MIOS: variants seen among roughly 807,000 people sequenced by gnomAD.
MIOS encodes the protein GATOR2 complex protein MIOS.
MIOS carries 52 observed loss-of-function variants against 96.9 expected under a neutral mutation model. The observed-to-expected ratio is 0.54, with a 90% CI of 0.43 to 0.68. The LOEUF is 0.68. Ranked by LOEUF, MIOS falls within the 30% of genes least tolerant of loss-of-function variation. MIOS has a pLI of 0.00. For missense variants in MIOS, 1,005 were observed against 1,052.8 expected (o/e 0.95, Z 0.63); for synonymous variants, 397 against 359.5 (o/e 1.10, Z -1.18).
intron 6 of MIOS, 70 bp downstream of exon 6, chr7:7,583,442 AAAG>A (rs1783793764): frequency 7.1e-7 from 1 of 1,416,226 alleles, no homozygotes; most frequent in Non-Finnish European, 9.4e-7. Context: ...CTTTTAAAGA[AAAG>A]AGGCTAATAA....
At chr7:7,604,823 T>C (rs888808106) in intron 11 of MIOS, among the ~76,000 whole-genome samples, 1 of 152,284 alleles carries the variant, frequency 6.6e-6, no homozygotes, top group East Asian at 1.9e-4. Flanking sequence ...TGTTAGAAGT[T>C]ACAAAAACAA....
At chr7:7,598,022 A>T (rs539947312) in intron 11 of MIOS, among the ~76,000 whole-genome samples, 12 of 152,214 alleles carry the variant, frequency 7.9e-5, no homozygotes, top group Admixed American at 5.2e-4. Flanking sequence ...TAGTAAACAT[A>T]TGGGAAAAAA....
chr7:7,588,160 A>G (rs115296633), intron 7 of MIOS, among the ~76,000 whole-genome samples: 3,252 of 152,268 alleles, frequency 0.021, 46 homozygotes, highest in African/African-American at 0.04. Flanking sequence ...AATTTCTATG[A>G]TGGAAAGATT....
At position 7,589,477 on chromosome 7, in the gene MIOS, G is replaced by C; in HGVS notation, c.1957G>C (p.Gly653Arg). ...AAATTTGGAAGGAATTTTGCTTACA[G>C]GCCTTACTAAAGATGGAGTGGACTT... The part of the protein sequence containing the change: ...AGNLEGILLT[G>R]LTKDGVDLME... The change falls in exon 9 of 13, where the codon GGC becomes CGC. Residue 653 changes from glycine (G) to arginine (R), a missense_variant. Around this residue, in one of 3 missense-constraint regions of MIOS, gnomAD observed 865 missense variants for 887.9 expected, o/e 0.97. Transcript: ENST00000340080. 6.2e-7 allele frequency: 1 copy of C among 1,613,690 alleles called. No individual in the cohort carries two copies. The highest frequency in any genetic ancestry group is 8.5e-7 in the Non-Finnish European group (1 of 1,179,748).
Position 7,573,124 on chromosome 7 carries a change from A to C in MIOS, c.649A>C (p.Ser217Arg). Reference sequence around the variant, plus strand: ...AGCTATATTTGATCTTCGGAATACAAGCCAAAAGATGTTCGTAAATACAAA... The same window carrying C: ...AGCTATATTTGATCTTCGGAATACACGCCAAAAGATGTTCGTAAATACAAA... ...NLAIFDLRNT[S>R]QKMFVNTKAV... Residue 217 changes from serine to arginine, a missense_variant, in exon 4 of 13, where the codon AGC becomes CGC. Transcript: ENST00000340080. This position sits in a 1 kb window ranked among gnomAD's most constrained non-coding sequence, Gnocchi z 5.0. 1 of 1,614,110 alleles carries C rather than the reference A, an allele frequency of 6.2e-7. No individual in the cohort carries two copies. The highest frequency in any genetic ancestry group is 1.1e-5 in the South Asian group (1 of 91,078).
At chr7:7,570,886 G>C (rs1353991163) in intron 3 of MIOS, among the ~76,000 whole-genome samples, 4 of 152,210 alleles carry the variant, frequency 2.6e-5, no homozygotes, top group Non-Finnish European at 5.9e-5. Flanking sequence ...TAACAGGCCA[G>C]GGAGCAGAAC....
chr7:7,575,077 C>T (rs930289114), intron 5 of MIOS, among the ~76,000 whole-genome samples: 2 of 152,026 alleles, frequency 1.3e-5, no homozygotes, highest in Admixed American at 6.6e-5. Context: ...ATTTGGGATG[C>T]TCACCCTGTA....
intron 6 of MIOS, among the ~76,000 whole-genome samples, chr7:7,585,174 G>C (rs1241023948): frequency 6.6e-6 from 1 of 152,072 alleles, no homozygotes; most frequent in Admixed American, 6.6e-5. Flanking sequence ...TGTTAAAGTT[G>C]ACAGTGATTC....
chr7:7,593,339 T>A (rs2115451187), intron 9 of MIOS, among the ~76,000 whole-genome samples: 1 of 152,352 alleles, frequency 6.6e-6, no homozygotes, highest in East Asian at 1.9e-4. Context: ...ATTTAATAGA[T>A]GAAAGATATG....
rs1474306660 is a variant in MIOS, at chr7:7,573,750, A to C, written c.1275A>C (p.Ser425=). The change falls in exon 4 of 13, where the codon TCA becomes TCC. Residue 425 remains serine (S), a synonymous_variant. Transcript: ENST00000340080. This position sits in a 1 kb window ranked among gnomAD's most constrained non-coding sequence, Gnocchi z 5.0. The stretch of plus-strand genomic sequence containing the variant: ...GAAATGAAGATCCACAGCTCAAGTC[A>C]CTCTGGTATACTCTGCACTATATCC... The part of the protein sequence containing the change: ...LAGNEDPQLK[S]LWYTLHFMKQ... 1.9e-6 allele frequency: 3 copies of C among 1,600,988 alleles called. No individual in the cohort carries two copies. The highest frequency in any genetic ancestry group is 2.6e-6 in the Non-Finnish European group (3 of 1,173,366).
intron 5 of MIOS, among the ~76,000 whole-genome samples, chr7:7,580,414 T>G (rs1394575255): frequency 6.6e-6 from 1 of 152,212 alleles, no homozygotes; most frequent in Non-Finnish European, 1.5e-5. Flanking sequence ...AAGTTTCCTC[T>G]TAACTCCTTG....
chr7:7,605,521 C>T (rs1784504084), intron 11 of MIOS: 1 of 155,582 alleles, frequency 6.4e-6, no homozygotes, highest in Admixed American at 6.4e-5. Context: ...TCGTGAACTC[C>T]TAGCCTCAAG....
rs1378751819 is a variant in MIOS, at chr7:7,568,043, TG to T, written c.-119del. On this transcript the variant is annotated 5_prime_UTR_variant, in exon 3 of 13. Coordinates refer to ENST00000340080, the MANE Select transcript of MIOS (RefSeq NM_019005.4). ...TTGGACAGTGCTGTTGCAAATATTCTGGTGAATGAACACAGAATCAGCATGG... is the reference window on the plus strand; with the variant it reads ...TTGGACAGTGCTGTTGCAAATATTCTGTGAATGAACACAGAATCAGCATGG... 1 of 152,262 alleles carries T rather than the reference TG, an allele frequency of 6.6e-6. No individual in the cohort carries two copies. The highest frequency in any genetic ancestry group is 1.5e-5 in the Non-Finnish European group (1 of 68,052). 9.4% of individuals were successfully genotyped at this position (152,262 alleles called of 1,614,324 possible).
At chr7:7,582,434 A>T (rs186803958) in intron 5 of MIOS, among the ~76,000 whole-genome samples, 1 of 152,336 alleles carries the variant, frequency 6.6e-6, no homozygotes, top group East Asian at 1.9e-4. Flanking sequence ...CATTAGGATC[A>T]ACTGCCTTGA....
At position 7,607,361 on chromosome 7, in the gene MIOS, T is replaced by TA; in HGVS notation, c.*269_*270insA. On this transcript the variant is annotated 3_prime_UTR_variant, in exon 13 of 13. Coordinates refer to ENST00000340080, the MANE Select transcript of MIOS (RefSeq NM_019005.4). ...TTAGAAAAACTTTCTAAGTTTTGGTTGAAATTATGAACACTCTAGAAGCAG... is the reference window on the plus strand; with the variant it reads ...TTAGAAAAACTTTCTAAGTTTTGGTTAGAAATTATGAACACTCTAGAAGCAG... 1 of 254,908 alleles carries TA rather than the reference T, an allele frequency of 3.9e-6. No individual in the cohort carries two copies. The allele number at this position is 254,908 out of a possible 1,614,324, so 15.8% of individuals were successfully genotyped here. A position where few individuals can be genotyped will look rare whatever the true frequency, so the allele number is the denominator to read the frequency against.
intron 11 of MIOS, among the ~76,000 whole-genome samples, chr7:7,597,495 T>TAA (rs1784244382): frequency 1.5e-5 from 1 of 65,086 alleles, no homozygotes; most frequent in Non-Finnish European, 3.1e-5. Context: ...TATATATATA[T>TAA]ATATATATAT....
At chr7:7,574,663 A>C (rs1477568577) in intron 5 of MIOS, among the ~76,000 whole-genome samples, 1 of 152,142 alleles carries the variant, frequency 6.6e-6, no homozygotes, top group Non-Finnish European at 1.5e-5. Context: ...CCTAACGTGG[A>C]GGAATTATAC....
chr7:7,602,474 A>G (rs1784407861), intron 11 of MIOS, among the ~76,000 whole-genome samples: 1 of 152,182 alleles, frequency 6.6e-6, no homozygotes, highest in African/African-American at 2.4e-5. Context: ...CCCATTCACA[A>G]TTGCTTCAAA....
intron 6 of MIOS, among the ~76,000 whole-genome samples, chr7:7,584,411 C>T (rs899840589): frequency 3.9e-5 from 6 of 152,106 alleles, no homozygotes; most frequent in African/African-American, 1.2e-4. Context: ...TTTAAACACC[C>T]ATACTAACAA....
Sources: allele counts gnomAD v4.1 joint callset (sites outside exome capture counted in the v4.1 genomes callset), GRCh38; gene constraint gnomAD v4.1.1; regional missense constraint gnomAD v4.1.1; non-coding constraint Gnocchi (gnomAD v3.1); transcripts MANE v1.5; gene names NCBI Gene and HGNC (gene_info 2026-07-23, HGNC 2026-07-21).